PRKG1: variants seen among roughly 807,000 people sequenced by gnomAD.
PRKG1 encodes the protein cGMP-dependent protein kinase 1.
In PRKG1, 35 loss-of-function variants were observed where a neutral mutation model predicts 88.1. That is an observed-to-expected ratio of 0.40 (90% CI 0.30 to 0.53). The LOEUF is 0.53. PRKG1 is among the 20% of genes least tolerant of loss of function. The pLI is 0.59. For synonymous variants in PRKG1, 303 were observed against 292.5 expected (o/e 1.04, Z -0.37); for missense variants, 540 against 839.8 (o/e 0.64, Z 4.41).
chr10:51,947,430 C>T (rs997377200), intron 5 of PRKG1, among the ~76,000 whole-genome samples: 11 of 152,148 alleles, frequency 7.2e-5, no homozygotes, highest in Non-Finnish European at 5.9e-5. Flanking sequence ...TGAGGCAATG[C>T]CTCGCCCTGC....
At position 51,467,723 on chromosome 10, in the gene PRKG1, A is replaced by C. The variant is rs770589870; in HGVS notation, c.479A>C (p.Asp160Ala). ...DVGSLVYVME[D>A]GKVEVTKEGV... ...CATGTTTTTCCCTCCTCCTTTTTAGATGGTAAGGTTGAAGTTACAAAAGAA... is the reference window on the plus strand; with the variant it reads ...CATGTTTTTCCCTCCTCCTTTTTAGCTGGTAAGGTTGAAGTTACAAAAGAA... Residue 160 changes from aspartate (D) to alanine (A), a missense_variant and splice_region_variant, in exon 3 of 18, where the codon GAT (aspartate) becomes GCT (alanine). Physicochemically the swap from Asp to Ala is moderately radical, Grantham distance 126. This residue lies in a region of PRKG1 where 400 missense variants were observed against 562.7 expected (regional missense o/e 0.71). Transcript: ENST00000373980. 6.2e-7 allele frequency: 1 copy of C among 1,607,120 alleles called. No homozygotes were observed. Among genetic ancestry groups the C allele is most frequent in the African/African-American group, 1.3e-5 (1 of 74,698 alleles).
chr10:52,017,501 C>G (rs1285272606), intron 5 of PRKG1, among the ~76,000 whole-genome samples: 1 of 152,044 alleles, frequency 6.6e-6, no homozygotes, highest in Non-Finnish European at 1.5e-5. Flanking sequence ...GTAGGTACCA[C>G]TGGTGATTCC....
intron 2 of PRKG1, among the ~76,000 whole-genome samples, chr10:51,250,991 A>G (rs1287248273): frequency 6.6e-6 from 1 of 151,636 alleles, no homozygotes; most frequent in Non-Finnish European, 1.5e-5. Context: ...GTTATTGTGT[A>G]TTGCCTCCTG....
At chr10:51,496,570 A>C (rs573607073) in intron 3 of PRKG1, among the ~76,000 whole-genome samples, 1 of 152,268 alleles carries the variant, frequency 6.6e-6, no homozygotes, top group South Asian at 2.1e-4. Context: ...GATAACATTT[A>C]ATGCCCTTTA....
At chr10:52,281,439 T>C (rs1262488757) in intron 13 of PRKG1, among the ~76,000 whole-genome samples, 1 of 66,438 alleles carries the variant, frequency 1.5e-5, no homozygotes, top group Non-Finnish European at 3.1e-5. Flanking sequence ...GCACAACTTT[T>C]GTTGGATCTG....
At chr10:51,211,801 T>G (rs1838228388) in intron 2 of PRKG1, among the ~76,000 whole-genome samples, 1 of 152,134 alleles carries the variant, frequency 6.6e-6, no homozygotes, top group Non-Finnish European at 1.5e-5. Context: ...AAACCACTGT[T>G]CAATGAAATA....
intron 10 of PRKG1, among the ~76,000 whole-genome samples, chr10:52,263,680 A>G (rs1250285593): frequency 1.3e-5 from 2 of 151,676 alleles, no homozygotes; most frequent in Non-Finnish European, 2.9e-5. Flanking sequence ...GGCTCAAGCA[A>G]TCTCCCACCT....
intron 2 of PRKG1, among the ~76,000 whole-genome samples, chr10:51,156,889 T>A (rs1009953353): frequency 9.9e-5 from 15 of 151,946 alleles, no homozygotes; most frequent in Admixed American, 3.3e-4. Context: ...ACCATGGTAA[T>A]AATGAATGAA....
At chr10:51,670,753 T>TAA (rs1840550308) in intron 3 of PRKG1, among the ~76,000 whole-genome samples, 1 of 73,606 alleles carries the variant, frequency 1.4e-5, no homozygotes, top group Non-Finnish European at 3.2e-5. Flanking sequence ...AATAAATAAA[T>TAA]AAATAAATAA....
At chr10:51,620,573 C>T (rs1839180318) in intron 3 of PRKG1, among the ~76,000 whole-genome samples, 1 of 151,104 alleles carries the variant, frequency 6.6e-6, no homozygotes, top group African/African-American at 2.4e-5. Flanking sequence ...AAACATTATA[C>T]ATCGTTGTGT....
chr10:52,268,143 C>T (rs1220019778), intron 10 of PRKG1, among the ~76,000 whole-genome samples: 1 of 152,076 alleles, frequency 6.6e-6, no homozygotes, highest in African/African-American at 2.4e-5. Flanking sequence ...CTCTAAGGAG[C>T]TCATGAGATC....
chr10:51,343,591 GTTTA>G (rs1448038189), intron 2 of PRKG1, among the ~76,000 whole-genome samples: 1 of 151,986 alleles, frequency 6.6e-6, no homozygotes, highest in Non-Finnish European at 1.5e-5. Flanking sequence ...TTACTGGTAT[GTTTA>G]TTTAAATATT....
At chr10:51,235,314 G>A (rs1838955737) in intron 2 of PRKG1, among the ~76,000 whole-genome samples, 1 of 152,136 alleles carries the variant, frequency 6.6e-6, no homozygotes, top group Non-Finnish European at 1.5e-5. Flanking sequence ...GGACACAATG[G>A]CAGATTTTCT....
At chr10:51,267,693 A>C (rs1033020488) in intron 2 of PRKG1, among the ~76,000 whole-genome samples, 1 of 152,232 alleles carries the variant, frequency 6.6e-6, no homozygotes, top group African/African-American at 2.4e-5. Context: ...CTAAGGCCTG[A>C]AACCCTAAAA....
chr10:51,594,700 T>G (rs1189616336), intron 3 of PRKG1, among the ~76,000 whole-genome samples: 1 of 152,200 alleles, frequency 6.6e-6, no homozygotes, highest in Non-Finnish European at 1.5e-5. Context: ...GTTTTGCAGA[T>G]TATCACTCAG....
At chr10:51,705,440 C>G (rs556744995) in intron 3 of PRKG1, among the ~76,000 whole-genome samples, 1 of 152,256 alleles carries the variant, frequency 6.6e-6, no homozygotes, top group African/African-American at 2.4e-5. Context: ...AATTTAGTGC[C>G]TTTTGCTTAC....
upstream of PRKG1, chr10:51,074,386 G>C: frequency 7.4e-7 from 1 of 1,353,818 alleles, no homozygotes; most frequent in Non-Finnish European, 9.8e-7. Flanking sequence ...AGCCAGCCCA[G>C]AGAAGTGGAA....
At chr10:51,729,592 A>G (rs1173824249) in intron 3 of PRKG1, among the ~76,000 whole-genome samples, 1 of 150,716 alleles carries the variant, frequency 6.6e-6, no homozygotes, top group Non-Finnish European at 1.5e-5. Flanking sequence ...CTGTAATCCC[A>G]GCTGCTCAGG....
chr10:51,257,686 G>C (rs1160148779), intron 2 of PRKG1, among the ~76,000 whole-genome samples: 1 of 151,306 alleles, frequency 6.6e-6, no homozygotes, highest in Non-Finnish European at 1.5e-5. Flanking sequence ...CAGAAAGAAA[G>C]CTCATTTTTT....
Sources: gnomAD v4.1 joint callset for allele counts (sites outside exome capture counted in the v4.1 genomes callset) on GRCh38, gnomAD v4.1.1 for gene constraint, gnomAD v4.1.1 regional missense constraint, MANE v1.5 for transcripts, NCBI Gene and HGNC (gene_info 2026-07-23, HGNC 2026-07-21) for gene names.